Variants in CNTNAP5 observed in about 807,000 individuals in gnomAD.
CNTNAP5 encodes contactin associated protein family member 5, also known as contactin-associated protein-like 5.
In CNTNAP5, 72 loss-of-function variants were observed where a neutral mutation model predicts 150.2. That is an observed-to-expected ratio of 0.48 (90% CI 0.40 to 0.58). The LOEUF is 0.58. Among genes scored for constraint, CNTNAP5 ranks in the 20% least tolerant of loss-of-function variants. The pLI is 0.00. For synonymous variants in CNTNAP5, 672 were observed against 619.8 expected (o/e 1.08, Z -1.25); for missense variants, 1,636 against 1,626.2 (o/e 1.01, Z -0.10).
chr2:124,663,503 C>T (rs568713211), intron 13 of CNTNAP5, among the ~76,000 whole-genome samples: 2 of 152,196 alleles, frequency 1.3e-5, no homozygotes, highest in Admixed American at 6.5e-5. Context: ...TCTGTATATT[C>T]AGCACAATTT....
At chr2:124,239,316 A>G (rs1316438395) in intron 2 of CNTNAP5, among the ~76,000 whole-genome samples, 1 of 152,152 alleles carries the variant, frequency 6.6e-6, no homozygotes, top group Non-Finnish European at 1.5e-5. Flanking sequence ...TTCTTATCAT[A>G]TGCTAATTAG....
At chr2:124,434,775 G>A (rs1408881967) in intron 5 of CNTNAP5, 88 bp downstream of exon 5, 4 of 1,170,872 alleles carry the variant, frequency 3.4e-6, no homozygotes, top group Non-Finnish European at 4.9e-6. Context: ...CAGTGTATCT[G>A]GTGGAAGTCA....
At chr2:124,277,991 G>A (rs1011568719) in intron 3 of CNTNAP5, among the ~76,000 whole-genome samples, 1 of 152,180 alleles carries the variant, frequency 6.6e-6, no homozygotes, top group Non-Finnish European at 1.5e-5. Context: ...ACGTCATTGT[G>A]TTAAGCTATC....
At chr2:124,679,959 G>C (rs117677278) in intron 13 of CNTNAP5, among the ~76,000 whole-genome samples, 29 of 151,678 alleles carry the variant, frequency 1.9e-4, no homozygotes, top group African/African-American at 7.0e-4. Context: ...CAAGAAGTTC[G>C]AGACCCCCGC....
chr2:124,626,915 G>A (rs936446944), intron 12 of CNTNAP5, among the ~76,000 whole-genome samples: 2 of 152,150 alleles, frequency 1.3e-5, no homozygotes, highest in Non-Finnish European at 2.9e-5. Flanking sequence ...TCCCCTGACA[G>A]TGCTAAGGAG....
rs934010795 is a variant in CNTNAP5 at position 124,504,489 on chromosome 2, C to T, written c.1260C>T (p.Ser420=). ...AGGGCTCGGGAACCCTGCTGCTGAG[C>T]CTGGAGGGTGGAATCCTGAGACTCG... ...LSEGSGTLLL[S]LEGGILRLVI... is the part of the protein sequence containing the mutation. The change falls in exon 8 of 24, where the codon AGC becomes AGT. Residue 420 remains serine, a synonymous_variant. Coordinates refer to ENST00000682447, the MANE Select transcript of CNTNAP5 (RefSeq NM_001367498.1). 3.1e-6 allele frequency: 5 copies of T among 1,613,648 alleles called. No individual in the cohort carries two copies. The highest frequency in any genetic ancestry group is 4.2e-6 in the Non-Finnish European group (5 of 1,179,742).
intron 1 of CNTNAP5, among the ~76,000 whole-genome samples, chr2:124,153,206 C>T (rs535993813): frequency 1.1e-3 from 168 of 152,128 alleles, no homozygotes; most frequent in Non-Finnish European, 1.9e-3. Context: ...TGGAAACAAA[C>T]TGAAAATTAG....
intron 1 of CNTNAP5, among the ~76,000 whole-genome samples, chr2:124,097,984 C>T (rs978933266): frequency 1.3e-5 from 2 of 152,034 alleles, no homozygotes; most frequent in African/African-American, 2.4e-5. Flanking sequence ...GCCGAGATGG[C>T]GCCACTGCAC....
chr2:124,056,766 C>T (rs2104648626), intron 1 of CNTNAP5, among the ~76,000 whole-genome samples: 1 of 152,312 alleles, frequency 6.6e-6, no homozygotes, highest in Non-Finnish European at 1.5e-5. Flanking sequence ...TCACTGGACA[C>T]ATCGAGTCAT....
chr2:124,025,792 C>A, intron 1 of CNTNAP5, 60 bp downstream of exon 1: 1 of 1,314,614 alleles, frequency 7.6e-7, no homozygotes, highest in Non-Finnish European at 1.1e-6. Context: ...TTCAGAAAGA[C>A]AATCAACTAT....
chr2:124,092,443 A>T (rs1019523763), intron 1 of CNTNAP5, among the ~76,000 whole-genome samples: 1 of 152,196 alleles, frequency 6.6e-6, no homozygotes, highest in Admixed American at 6.5e-5. Context: ...CGCAGGCTGT[A>T]CACATATAGT....
intron 21 of CNTNAP5, among the ~76,000 whole-genome samples, chr2:124,876,566 T>C (rs1677865240): frequency 6.6e-6 from 1 of 151,988 alleles, no homozygotes. Context: ...TGTTGCGGTA[T>C]GAAAAATAAT....
intron 12 of CNTNAP5, among the ~76,000 whole-genome samples, chr2:124,630,826 C>G (rs983253326): frequency 6.6e-6 from 1 of 152,040 alleles, no homozygotes; most frequent in Non-Finnish European, 1.5e-5. Context: ...TAGAAAACCC[C>G]ATCAACTCAA....
At chr2:124,625,469 T>C (rs72974507) in intron 12 of CNTNAP5, among the ~76,000 whole-genome samples, 7 of 152,118 alleles carry the variant, frequency 4.6e-5, no homozygotes, top group African/African-American at 1.7e-4. Flanking sequence ...GTATACATAG[T>C]ATAGTAGTGA....
intron 1 of CNTNAP5, among the ~76,000 whole-genome samples, chr2:124,136,689 C>A (rs1197311590): frequency 6.6e-6 from 1 of 152,118 alleles, no homozygotes; most frequent in Non-Finnish European, 1.5e-5. Context: ...TAAATAGAAC[C>A]ATCATAAGTC....
chr2:124,750,854 C>T (rs937718117), intron 14 of CNTNAP5, among the ~76,000 whole-genome samples: 3 of 151,660 alleles, frequency 2.0e-5, no homozygotes, highest in Non-Finnish European at 2.9e-5. Flanking sequence ...CATGGTGGTG[C>T]GTGCCTGTAG....
chr2:124,627,229 G>A (rs1677745470), intron 12 of CNTNAP5, among the ~76,000 whole-genome samples: 1 of 152,146 alleles, frequency 6.6e-6, no homozygotes, highest in South Asian at 2.1e-4. Flanking sequence ...CTCCCCTAAG[G>A]GGCAGACTGT....
At chr2:124,475,652 G>A (rs973287753) in intron 7 of CNTNAP5, among the ~76,000 whole-genome samples, 1 of 151,868 alleles carries the variant, frequency 6.6e-6, no homozygotes, top group African/African-American at 2.4e-5. Context: ...ATTATTATTT[G>A]TCTCTGATAA....
chr2:124,508,932 A>G (rs576382332), intron 8 of CNTNAP5, among the ~76,000 whole-genome samples: 7 of 152,356 alleles, frequency 4.6e-5, no homozygotes, highest in African/African-American at 1.7e-4. Context: ...GCTTTAAAAG[A>G]AGATGAAAAT....
Sources: gnomAD v4.1 joint callset for allele counts (sites outside exome capture counted in the v4.1 genomes callset) on GRCh38, gnomAD v4.1.1 for gene constraint, MANE v1.5 for transcripts, NCBI Gene and HGNC (gene_info 2026-07-23, HGNC 2026-07-21) for gene names.